LMNB2: variants seen among roughly 807,000 people sequenced by gnomAD.
The protein encoded by LMNB2 is lamin-B2.
LMNB2 carries 17 observed loss-of-function variants against 69.3 expected under a neutral mutation model. That is an observed-to-expected ratio of 0.25 (90% CI 0.17 to 0.37). LMNB2 has a LOEUF of 0.37. LMNB2 is among the 10% of genes least tolerant of loss of function. LMNB2 has a pLI of 1.00. For synonymous variants in LMNB2, 397 were observed against 389.3 expected, an observed-to-expected ratio of 1.02 and a Z score of -0.23; for missense variants, 789 against 883.6, an observed-to-expected ratio of 0.89 and a Z score of 1.36.
In LMNB2 at chr19:2,429,020, G is replaced by C. The variant is rs1396773014; in HGVS notation, c.*1891C>G. 1 of 152,192 alleles carries C rather than the reference G, an allele frequency of 6.6e-6. No individual in the cohort carries two copies. The highest frequency in any genetic ancestry group is 2.4e-5 in the African/African-American group (1 of 41,424). 9.4% of individuals were successfully genotyped at this position (152,192 alleles called of 1,614,324 possible). A position where few individuals can be genotyped will look rare whatever the true frequency, so the allele number is the denominator to read the frequency against. ...GACATGAGGACCTGCGGGTTTTGGGGGGGACTTTGTCCCTGAGCCCAGCCT... is the reference window on the plus strand; with the variant it reads ...GACATGAGGACCTGCGGGTTTTGGGCGGGACTTTGTCCCTGAGCCCAGCCT... On this transcript the variant is annotated 3_prime_UTR_variant, in exon 12 of 12. Coordinates refer to ENST00000325327, the MANE Select transcript of LMNB2 (RefSeq NM_032737.4).
rs535142298 is a variant in LMNB2 at position 2,443,543 on chromosome 19, C to T, written c.401+861G>A. Among the ~76,000 whole-genome samples the T allele has an allele frequency of 5.9e-5, 9 of 152,278 alleles. No individual in the cohort carries two copies. The highest frequency in any genetic ancestry group is 5.8e-4 in the East Asian group (3 of 5,164). ...ATCCCTCCATGCTGAGCCAGGCCTG[C>T]GTGGCTCTGGGAGAATGAGCAGTGT... On this transcript the variant is annotated intron_variant, in intron 2 of 11. Transcript: ENST00000325327. The surrounding 1 kb of genome is among the most constrained non-coding windows in gnomAD (Gnocchi z 6.2).
At position 2,428,508 on chromosome 19, in the gene LMNB2, G is replaced by A. The variant is rs551457133; in HGVS notation, c.*2403C>T. 6.6e-6 allele frequency: 1 copy of A among 152,400 alleles called. No homozygotes were observed. The highest frequency in any genetic ancestry group is 1.9e-4 in the East Asian group (1 of 5,178). 9.4% of individuals were successfully genotyped at this position (152,400 alleles called of 1,614,324 possible). ...AGGACAGGTGCATGATCGGATTCTG[G>A]GTCAGCCCGCAGGCCTCCCGGCTCC... On this transcript the variant is annotated 3_prime_UTR_variant, in exon 12 of 12. Transcript: ENST00000325327.
chr19:2,435,444 A>G (rs964484544), intron 4 of LMNB2, among the ~76,000 whole-genome samples: 2 of 152,150 alleles, frequency 1.3e-5, no homozygotes, highest in South Asian at 4.1e-4. Flanking sequence ...CGCCAGACAC[A>G]AAAGGCCACA....
At chr19:2,432,318 A>G in intron 9 of LMNB2, 98 bp downstream of exon 9, 1 of 914,018 alleles carries the variant, frequency 1.1e-6, no homozygotes, top group Non-Finnish European at 1.8e-6. Context: ...TGCCACCATC[A>G]TCCCCACCCA....
Position 2,443,674 on chromosome 19 carries a change from C to G in LMNB2, c.401+730G>C, listed in dbSNP as rs1971923212. 6.6e-6 allele frequency among the ~76,000 whole-genome samples: 1 copy of G among 152,196 alleles called. No homozygotes were observed. Among genetic ancestry groups the G allele is most frequent in the African/African-American group, 2.4e-5 (1 of 41,440 alleles). On this transcript the variant is annotated intron_variant, in intron 2 of 11. Coordinates refer to ENST00000325327, the MANE Select transcript of LMNB2 (RefSeq NM_032737.4). This position sits in a 1 kb window ranked among gnomAD's most constrained non-coding sequence, Gnocchi z 6.2. ...AAGACAGTGTCCACACGCAGGGCAC[C>G]AGAGACCTCGCTCTAGCTGGAGCCT...
rs370025312 is a variant in LMNB2, at chr19:2,434,519, C to A, written c.982-4G>T. 4 of 1,611,172 alleles carry A rather than the reference C, an allele frequency of 2.5e-6. No homozygotes were observed. Among genetic ancestry groups the A allele is most frequent in the African/African-American group, 2.7e-5 (2 of 75,044 alleles). On this transcript the variant is annotated splice_polypyrimidine_tract_variant and splice_region_variant and intron_variant, in intron 6 of 11. Coordinates refer to ENST00000325327, the MANE Select transcript of LMNB2 (RefSeq NM_032737.4). ...TGCGATCTTCAGCGGCACTGGCCTGCGGAGGGGGCGGGTGGCGAAGGTCAG... is the reference window on the plus strand; with the variant it reads ...TGCGATCTTCAGCGGCACTGGCCTGAGGAGGGGGCGGGTGGCGAAGGTCAG...
At chr19:2,438,827 T>G (rs1164175351) in intron 2 of LMNB2, among the ~76,000 whole-genome samples, 1 of 152,154 alleles carries the variant, frequency 6.6e-6, no homozygotes. Flanking sequence ...GACGACCATT[T>G]GGGGAGAAAT....
In LMNB2 at chr19:2,438,539, T is replaced by G; in HGVS notation, c.402-8A>C. On this transcript the variant is annotated splice_polypyrimidine_tract_variant and splice_region_variant and intron_variant, in intron 2 of 11. Coordinates refer to ENST00000325327, the MANE Select transcript of LMNB2 (RefSeq NM_032737.4). Reference sequence around the variant, plus strand: ...CCCTCCCTCTTCTTGGCGCTGAAAGTCAAGAGGGCAAGTGAGTGGGGAGGG... The same window carrying G: ...CCCTCCCTCTTCTTGGCGCTGAAAGGCAAGAGGGCAAGTGAGTGGGGAGGG... The G allele has an allele frequency of 6.2e-7, 1 of 1,606,958 alleles. No homozygotes were observed. The highest frequency in any genetic ancestry group is 8.5e-7 in the Non-Finnish European group (1 of 1,176,662).
At chr19:2,440,616 ATCATCCATCCATCCATCTAC>A (rs559129669) in intron 2 of LMNB2, among the ~76,000 whole-genome samples, 5,335 of 150,530 alleles carry the variant, frequency 0.035, 123 homozygotes, top group Non-Finnish European at 0.051. Context: ...CCATCCACCC[ATCATCCATCCATCCATCTAC>A]TCATCCATCC....
chr19:2,452,746 G>A (rs62119877), intron 1 of LMNB2, among the ~76,000 whole-genome samples: 6,788 of 152,154 alleles, frequency 0.045, 391 homozygotes, highest in East Asian at 0.28. Context: ...TGAGAAAGGC[G>A]TGTGTGAGGA....
Position 2,453,597 on chromosome 19 carries a change from G to A in LMNB2, c.264+3073C>T, listed in dbSNP as rs1274884477. ...ACGGCTGGGTGACAGGGCTCACGGA[G>A]GGGCCAGTGTGTCACCTGCTAAATG... On this transcript the variant is annotated intron_variant, in intron 1 of 11. Coordinates refer to ENST00000325327, the MANE Select transcript of LMNB2 (RefSeq NM_032737.4). This position sits in a 1 kb window ranked among gnomAD's most constrained non-coding sequence, Gnocchi z 4.4. Among the ~76,000 whole-genome samples, 1 of 152,174 alleles carries A rather than the reference G, an allele frequency of 6.6e-6. No individual in the cohort carries two copies. The highest frequency in any genetic ancestry group is 1.5e-5 in the Non-Finnish European group (1 of 68,022).
chr19:2,445,454 C>T (rs1324054818), intron 1 of LMNB2, among the ~76,000 whole-genome samples: 1 of 152,162 alleles, frequency 6.6e-6, no homozygotes, highest in East Asian at 1.9e-4. Context: ...TGTGGTGGCT[C>T]GGAGGCTCCA....
intron 1 of LMNB2, among the ~76,000 whole-genome samples, chr19:2,448,955 T>C (rs1035004224): frequency 6.6e-6 from 1 of 152,230 alleles, no homozygotes; most frequent in Non-Finnish European, 1.5e-5. Flanking sequence ...AATGCCGCAA[T>C]CACAGCTCAC....
intron 2 of LMNB2, among the ~76,000 whole-genome samples, chr19:2,439,819 C>T (rs182417256): frequency 1.4e-3 from 208 of 151,942 alleles, no homozygotes; most frequent in African/African-American, 4.7e-3. Flanking sequence ...CTGCAACCTC[C>T]GCCTCCCGGG....
chr19:2,441,064 T>C (rs1971894452), intron 2 of LMNB2, among the ~76,000 whole-genome samples: 1 of 152,246 alleles, frequency 6.6e-6, no homozygotes, highest in Non-Finnish European at 1.5e-5. Flanking sequence ...CAGGCTGGGA[T>C]CCCAGTGCCA....
chr19:2,439,213 A>G (rs1031694563), intron 2 of LMNB2, among the ~76,000 whole-genome samples: 1 of 151,870 alleles, frequency 6.6e-6, no homozygotes, highest in African/African-American at 2.4e-5. Context: ...GCATAATTAT[A>G]AGTCTTGGAG....
chr19:2,432,133 C>T (rs1024816161), intron 9 of LMNB2, among the ~76,000 whole-genome samples: 1 of 152,146 alleles, frequency 6.6e-6, no homozygotes, highest in African/African-American at 2.4e-5. Flanking sequence ...CTGACACCCA[C>T]CAGGCTCCAT....
rs144665669 is a variant in LMNB2 at position 2,433,964 on chromosome 19, G to A, written c.1344C>T (p.Gly448=). Reference sequence around the variant, plus strand: ...CCGTGCCCGTGCCCAGGACGCTTGGGCCGCTGCCCAAGGGCTCCTCCACCT... The same window carrying A: ...CCGTGCCCGTGCCCAGGACGCTTGGACCGCTGCCCAAGGGCTCCTCCACCT... ...RLEVEEPLGS[G]PSVLGTGTGG... Residue 448 remains glycine, a synonymous_variant, in exon 8 of 12, where the codon GGC becomes GGT. Coordinates refer to ENST00000325327, the MANE Select transcript of LMNB2 (RefSeq NM_032737.4). 74 of 1,611,250 alleles carry A rather than the reference G, an allele frequency of 4.6e-5. No individual in the cohort carries two copies. The African/African-American group carries it at 8.4e-4, about 18-fold the overall frequency.
At chr19:2,446,478 C>A (rs909928199) in intron 1 of LMNB2, among the ~76,000 whole-genome samples, 1 of 152,204 alleles carries the variant, frequency 6.6e-6, no homozygotes, top group African/African-American at 2.4e-5. Context: ...CAACCACAGC[C>A]GCCACCTGCC....
Sources: allele counts gnomAD v4.1 joint callset (sites outside exome capture counted in the v4.1 genomes callset), GRCh38; gene constraint gnomAD v4.1.1; non-coding constraint Gnocchi (gnomAD v3.1); transcripts MANE v1.5; gene names NCBI Gene and HGNC (gene_info 2026-07-23, HGNC 2026-07-21).